The following ITSN1 variants were observed in gnomAD, a reference collection of about 807,000 sequenced individuals.
ITSN1 encodes intersectin 1, also known as intersectin-1.
Under a neutral mutation model 239.8 loss-of-function variants are expected in ITSN1, and 58 were observed. The observed-to-expected ratio is 0.24, with a 90% CI of 0.20 to 0.30. The LOEUF is 0.30. ITSN1 is among the 10% of genes least tolerant of loss of function. The probability of loss-of-function intolerance (pLI) is 1.00; values close to 1 mark genes in which losing one functional copy is unlikely to be tolerated. For missense variants in ITSN1, 1,558 were observed against 2,103.3 expected (o/e 0.74, Z 5.07); for synonymous variants, 780 against 770.8 (o/e 1.01, Z -0.20).
At chr21:33,818,641 G>C (rs900827383) in intron 23 of ITSN1, among the ~76,000 whole-genome samples, 169 bp downstream of exon 23, 6 of 152,184 alleles carry the variant, frequency 3.9e-5, no homozygotes, top group African/African-American at 1.2e-4. Flanking sequence ...GCCTCTTATA[G>C]ATAAGTGCAT....
In ITSN1 at chr21:33,721,282, C is replaced by T; in HGVS notation, c.121+12C>T. ...TGGATTCATTACTGGTAATCACAGT[C>T]AGCATTTTTTCATTTTTACTTATCA... On this transcript the variant is annotated intron_variant, in intron 3 of 39. Coordinates refer to ENST00000381318, the MANE Select transcript of ITSN1 (RefSeq NM_003024.3). The T allele has an allele frequency of 6.4e-7, 1 of 1,553,468 alleles. No homozygotes were observed. Among genetic ancestry groups the T allele is most frequent in the Non-Finnish European group, 8.9e-7 (1 of 1,125,048 alleles).
chr21:33,751,987 A>T, intron 7 of ITSN1, 81 bp downstream of exon 7: 1 of 927,984 alleles, frequency 1.1e-6, no homozygotes, highest in South Asian at 1.4e-5. Context: ...TGAATCATCT[A>T]TATTCTTTTT....
chr21:33,651,268 G>A (rs974733300), intron 1 of ITSN1, among the ~76,000 whole-genome samples: 9 of 152,226 alleles, frequency 5.9e-5, no homozygotes, highest in Admixed American at 1.3e-4. Context: ...GGAAGTTAAT[G>A]TAAGTTTTAA....
intron 39 of ITSN1, among the ~76,000 whole-genome samples, chr21:33,887,685 A>G (rs1309978165): frequency 6.6e-6 from 1 of 151,958 alleles, no homozygotes; most frequent in East Asian, 1.9e-4. Context: ...AGCTCACTGC[A>G]GCCTCCACCT....
rs1239772726 is a variant in ITSN1, at chr21:33,886,224, A to G, written c.4844-63A>G. ...AAGAATCCATCTAAAAAAAAAAAAA[A>G]AAAAGAGTGGAGATCAAAATGAGGT... On this transcript the variant is annotated intron_variant, in intron 38 of 39. Coordinates refer to ENST00000381318, the MANE Select transcript of ITSN1 (RefSeq NM_003024.3). 27 of 1,405,882 alleles carry G rather than the reference A, an allele frequency of 1.9e-5. No homozygotes were observed. The Admixed American group carries it at 5.9e-4, about 31-fold the overall frequency. 87.1% of individuals were successfully genotyped at this position (1,405,882 alleles called of 1,614,324 possible).
At chr21:33,670,747 G>A (rs1264216267) in intron 1 of ITSN1, among the ~76,000 whole-genome samples, 1 of 152,180 alleles carries the variant, frequency 6.6e-6, no homozygotes, top group Non-Finnish European at 1.5e-5. Flanking sequence ...CATGATAATA[G>A]TTCAGTGTGT....
chr21:33,742,861 A>G (rs1056249364), intron 5 of ITSN1, among the ~76,000 whole-genome samples: 1 of 152,236 alleles, frequency 6.6e-6, no homozygotes, highest in Non-Finnish European at 1.5e-5. Context: ...CACTGCAGAA[A>G]GTGTCAAGCA....
chr21:33,742,889 GTTA>G (rs2066947163), intron 5 of ITSN1, among the ~76,000 whole-genome samples: 1 of 152,126 alleles, frequency 6.6e-6, no homozygotes, highest in African/African-American at 2.4e-5. Context: ...ATAACACAAA[GTTA>G]TTATTAGGAA....
At chr21:33,765,603 T>C (rs2068664648) in intron 9 of ITSN1, among the ~76,000 whole-genome samples, 1 of 152,268 alleles carries the variant, frequency 6.6e-6, no homozygotes, top group East Asian at 1.9e-4. Flanking sequence ...AAAAGATTCA[T>C]GGAATATGAG....
chr21:33,853,161 A>G (rs144335028), intron 29 of ITSN1, among the ~76,000 whole-genome samples: 1,838 of 152,288 alleles, frequency 0.012, 12 homozygotes, highest in Middle Eastern at 0.02. Flanking sequence ...GACTCTCCCC[A>G]CAAAACTTTT....
At chr21:33,742,767 G>A (rs2066942091) in intron 5 of ITSN1, among the ~76,000 whole-genome samples, 3 of 152,192 alleles carry the variant, frequency 2.0e-5, no homozygotes, top group Admixed American at 2.0e-4. Flanking sequence ...GACAAAAGTA[G>A]GGGAGGAGAA....
In ITSN1 at chr21:33,658,675, G is replaced by A. The variant is rs147523564; in HGVS notation, c.-33+15962G>A. On this transcript the variant is annotated intron_variant, in intron 1 of 39. Transcript: ENST00000381318. The stretch of plus-strand genomic sequence containing the variant: ...CGCTTAAAACTTCAATACATCTAGA[G>A]CATTGCTCACCTGCCACCTTTCTTC... Among the ~76,000 whole-genome samples the A allele has an allele frequency of 1.0e-3, 158 of 152,258 alleles. 1 individual carries two copies. Among genetic ancestry groups the A allele is most frequent in the Non-Finnish European group, 1.7e-3 (117 of 68,026 alleles).
At chr21:33,677,358 T>A (rs1244790685) in intron 1 of ITSN1, among the ~76,000 whole-genome samples, 4 of 151,244 alleles carry the variant, frequency 2.6e-5, no homozygotes, top group African/African-American at 7.3e-5. Context: ...TTTTTTTTTT[T>A]AAGACAGAGT....
chr21:33,653,843 A>G (rs1424138000), intron 1 of ITSN1, among the ~76,000 whole-genome samples: 2 of 151,554 alleles, frequency 1.3e-5, no homozygotes, highest in African/African-American at 2.4e-5. Flanking sequence ...TTTTTTTGAG[A>G]TGATGTCTTG....
In ITSN1 at chr21:33,899,282, G is replaced by C. The variant is rs1986962105; in HGVS notation, c.*10982G>C. ...GTTTGGAAAAGAATGTAATCCATCA[G>C]AACGTGAGCTCCTTGTGCTTCCAGT... On this transcript the variant is annotated 3_prime_UTR_variant, in exon 40 of 40. Transcript: ENST00000381318. 6.6e-6 allele frequency: 1 copy of C among 152,214 alleles called. No individual in the cohort carries two copies. Among genetic ancestry groups the C allele is most frequent in the African/African-American group, 2.4e-5 (1 of 41,432 alleles). The allele number at this position is 152,214 out of a possible 1,614,324, so 9.4% of individuals were successfully genotyped here. A position where few individuals can be genotyped will look rare whatever the true frequency, so the allele number is the denominator to read the frequency against.
At chr21:33,652,105 A>G (rs899150950) in intron 1 of ITSN1, among the ~76,000 whole-genome samples, 1 of 151,414 alleles carries the variant, frequency 6.6e-6, no homozygotes, top group Non-Finnish European at 1.5e-5. Context: ...TGTGAAGGTC[A>G]ACATGCTCAA....
At chr21:33,724,523 G>A (rs539478700) in intron 4 of ITSN1, among the ~76,000 whole-genome samples, 9 of 152,290 alleles carry the variant, frequency 5.9e-5, no homozygotes, top group South Asian at 2.1e-4. Flanking sequence ...AGGACCTCTC[G>A]CTGGAACCTT....
At chr21:33,668,681 T>C (rs2090075055) in intron 1 of ITSN1, among the ~76,000 whole-genome samples, 1 of 152,180 alleles carries the variant, frequency 6.6e-6, no homozygotes, top group African/African-American at 2.4e-5. Context: ...AGTTAAAGGC[T>C]CTTACCTCAA....
At chr21:33,801,416 C>T (rs555015264) in intron 19 of ITSN1, among the ~76,000 whole-genome samples, 2 of 152,244 alleles carry the variant, frequency 1.3e-5, no homozygotes, top group East Asian at 1.9e-4. Flanking sequence ...TAGCTGCTTT[C>T]TCTGTAATTA....
Sources: gnomAD v4.1 joint callset for allele counts (sites outside exome capture counted in the v4.1 genomes callset) on GRCh38, gnomAD v4.1.1 for gene constraint, MANE v1.5 for transcripts, NCBI Gene and HGNC (gene_info 2026-07-23, HGNC 2026-07-21) for gene names.